Variants in GNB1 observed in about 807,000 individuals in gnomAD.
GNB1 encodes the protein G protein subunit beta 1, also known as guanine nucleotide-binding protein G(I)/G(S)/G(T) subunit beta-1.
In GNB1, 2 loss-of-function variants were observed where a neutral mutation model predicts 42.9. The ratio of observed to expected loss-of-function variants is 0.05; its 90% CI spans 0.02 to 0.15. GNB1 has a LOEUF of 0.15. Ranked by LOEUF, GNB1 falls within the 10% of genes least tolerant of loss-of-function variation. The pLI, the probability that GNB1 is intolerant of heterozygous loss-of-function variation, is 1.00. For synonymous variants in GNB1, 183 were observed against 174.7 expected, an observed-to-expected ratio of 1.05 and a Z score of -0.38; for missense variants, 193 against 462.2, an observed-to-expected ratio of 0.42 and a Z score of 5.34.
chr1:1,789,605 C>G (rs138748377), intron 9 of GNB1, among the ~76,000 whole-genome samples: 1 of 150,984 alleles, frequency 6.6e-6, no homozygotes, highest in Admixed American at 6.6e-5. Flanking sequence ...AGCAGGAGAA[C>G]TGCTTGAAAC....
intron 1 of GNB1, among the ~76,000 whole-genome samples, chr1:1,846,917 G>GAT (rs1557924396): frequency 1.3e-5 from 2 of 152,150 alleles, no homozygotes; most frequent in South Asian, 4.1e-4. Flanking sequence ...GGCTTGATCA[G>GAT]TTTAGAAAGA....
chr1:1,838,951 A>C (rs1250494720), intron 2 of GNB1, among the ~76,000 whole-genome samples: 1 of 152,150 alleles, frequency 6.6e-6, no homozygotes, highest in African/African-American at 2.4e-5. Flanking sequence ...ATAGAAAAAA[A>C]CTGTAACAAA....
chr1:1,865,406 G>T (rs1326202004), intron 1 of GNB1, among the ~76,000 whole-genome samples: 2 of 150,746 alleles, frequency 1.3e-5, no homozygotes, highest in East Asian at 3.9e-4. Flanking sequence ...CTAACACGGT[G>T]AAACCCCATC....
chr1:1,885,718 A>G (rs1245385373), intron 1 of GNB1, among the ~76,000 whole-genome samples: 1 of 150,804 alleles, frequency 6.6e-6, no homozygotes, highest in African/African-American at 2.4e-5. Context: ...CACCACACCC[A>G]GCTAATTTTT....
intron 2 of GNB1, among the ~76,000 whole-genome samples, chr1:1,828,841 C>T (rs1383807557): frequency 1.3e-5 from 2 of 151,866 alleles, no homozygotes; most frequent in Admixed American, 6.6e-5. Flanking sequence ...CAGCAGTTTG[C>T]GACCAGCCTG....
At chr1:1,838,435 CT>C (rs201038635) in intron 2 of GNB1, among the ~76,000 whole-genome samples, 2,065 of 149,310 alleles carry the variant, frequency 0.014, 44 homozygotes, top group African/African-American at 0.048. Flanking sequence ...GTTCACCTTA[CT>C]TTTTTTTCTT....
At chr1:1,859,025 CTTT>C (rs34852120) in intron 1 of GNB1, among the ~76,000 whole-genome samples, 7 of 141,542 alleles carry the variant, frequency 4.9e-5, no homozygotes, top group Admixed American at 7.1e-5. Context: ...TATTTATTTT[CTTT>C]TTTTTTTTTT....
intron 1 of GNB1, among the ~76,000 whole-genome samples, chr1:1,870,603 T>C (rs1347262971): frequency 6.6e-6 from 1 of 152,266 alleles, no homozygotes; most frequent in Middle Eastern, 3.2e-3. Flanking sequence ...CTGTTACGCA[T>C]GTTAGCGTTG....
At chr1:1,831,036 G>A (rs1647068855) in intron 2 of GNB1, among the ~76,000 whole-genome samples, 1 of 152,120 alleles carries the variant, frequency 6.6e-6, no homozygotes, top group Non-Finnish European at 1.5e-5. Flanking sequence ...GTGGTGATGC[G>A]TGCCTGTAAT....
Position 1,838,590 on chromosome 1 carries a change from G to A in GNB1, c.-47+600C>T, listed in dbSNP as rs369634423. 4.0e-5 allele frequency among the ~76,000 whole-genome samples: 6 copies of A among 151,800 alleles called. No individual in the cohort carries two copies. The East Asian group carries it at 7.7e-4, about 20-fold the overall frequency. On this transcript the variant is annotated intron_variant, in intron 2 of 11. Transcript: ENST00000378609. ...CTCCAGAGTAGCTGGGACTACAGGC[G>A]CCCACCACCGCACCCGGCTAATTTT...
intron 7 of GNB1, among the ~76,000 whole-genome samples, chr1:1,803,181 T>C (rs777492321): frequency 6.6e-6 from 1 of 152,190 alleles, no homozygotes; most frequent in Non-Finnish European, 1.5e-5. Context: ...AGAGGTAAAA[T>C]ATTAGAATAG....
chr1:1,823,346 C>T (rs1367444302), intron 3 of GNB1, among the ~76,000 whole-genome samples: 2 of 151,760 alleles, frequency 1.3e-5, no homozygotes, highest in African/African-American at 4.8e-5. Context: ...CCCCAAAAAC[C>T]CAGTTAGATT....
intron 7 of GNB1, among the ~76,000 whole-genome samples, chr1:1,796,927 G>C (rs1051983550): frequency 6.6e-6 from 1 of 152,166 alleles, no homozygotes; most frequent in African/African-American, 2.4e-5. Context: ...TGGAAGCGTA[G>C]GAGAAAGATG....
At chr1:1,883,526 C>G (rs1649974808) in intron 1 of GNB1, among the ~76,000 whole-genome samples, 1 of 152,200 alleles carries the variant, frequency 6.6e-6, no homozygotes. Flanking sequence ...GCAAGGCCAT[C>G]AGCAACAGAA....
chr1:1,791,939 A>T (rs1050100911), intron 8 of GNB1, among the ~76,000 whole-genome samples: 1 of 152,006 alleles, frequency 6.6e-6, no homozygotes, highest in East Asian at 1.9e-4. Context: ...ATAATACCAC[A>T]GATGCTTTGC....
chr1:1,860,417 C>T (rs1648554795), intron 1 of GNB1, among the ~76,000 whole-genome samples: 1 of 151,788 alleles, frequency 6.6e-6, no homozygotes, highest in South Asian at 2.1e-4. Flanking sequence ...ACATGCAACC[C>T]TGAATCTAAA....
intron 1 of GNB1, among the ~76,000 whole-genome samples, chr1:1,879,577 C>G (rs920672254): frequency 1.3e-5 from 2 of 151,904 alleles, no homozygotes; most frequent in African/African-American, 4.8e-5. Context: ...TGGTGGCAGG[C>G]ACCTGTAGTC....
At chr1:1,873,780 T>G (rs1194320828) in intron 1 of GNB1, among the ~76,000 whole-genome samples, 1 of 152,064 alleles carries the variant, frequency 6.6e-6, no homozygotes, top group Non-Finnish European at 1.5e-5. Context: ...ATGGTGCCAC[T>G]GCACTCCAGC....
intron 1 of GNB1, among the ~76,000 whole-genome samples, chr1:1,871,194 G>C (rs1036283449): frequency 6.6e-6 from 1 of 152,120 alleles, no homozygotes; most frequent in African/African-American, 2.4e-5. Context: ...GCTCACACCT[G>C]TAACCCCAGC....
Sources: allele counts gnomAD v4.1 joint callset (sites outside exome capture counted in the v4.1 genomes callset), GRCh38; gene constraint gnomAD v4.1.1; transcripts MANE v1.5; gene names NCBI Gene and HGNC (gene_info 2026-07-23, HGNC 2026-07-21).